Variants in REPS1 observed in about 807,000 individuals in gnomAD.
The protein encoded by REPS1 is RALBP1 associated Eps domain containing 1.
Under a neutral mutation model 100.9 loss-of-function variants are expected in REPS1, and 39 were observed. That is an observed-to-expected ratio of 0.39 (90% CI 0.30 to 0.50). REPS1 has a LOEUF of 0.50. REPS1 is among the 20% of genes least tolerant of loss of function. REPS1 has a pLI of 0.86. For synonymous variants in REPS1, 324 were observed against 340.3 expected (o/e 0.95, Z 0.53); for missense variants, 821 against 968.5 (o/e 0.85, Z 2.02).
intron 16 of REPS1, 91 bp downstream of exon 16, chr6:138,912,674 C>T: frequency 8.2e-7 from 1 of 1,212,644 alleles, no homozygotes; most frequent in Non-Finnish European, 1.2e-6. Flanking sequence ...ATTTTACTCA[C>T]TGATGTCCCC....
chr6:138,917,558 T>C lies in REPS1; in HGVS notation c.1598A>G (p.Gln533Arg), dbSNP rs759344632. 1 of 1,611,886 alleles carries C rather than the reference T, an allele frequency of 6.2e-7. No individual in the cohort carries two copies. The highest frequency in any genetic ancestry group is 8.5e-7 in the Non-Finnish European group (1 of 1,178,124). The change falls in exon 13 of 20, where the codon CAA becomes CGA. Residue 533 changes from glutamine (Q) to arginine (R), a missense_variant. Transcript: ENST00000450536. ...PEQIGSNVTR[Q>R]RSHSGTSPDN... The stretch of plus-strand genomic sequence containing the variant: ...TTTCATTGACAGAAATACTGACCTT[T>C]GACGAGTTACATTGCTCCCGATCTG...
rs911465253 is a variant in REPS1 at position 138,988,045 on chromosome 6, C to T, written c.-363G>A. 2.5e-6 allele frequency: 1 copy of T among 397,472 alleles called. No individual in the cohort carries two copies. Among genetic ancestry groups the T allele is most frequent in the East Asian group, 3.6e-5 (1 of 27,978 alleles). 24.6% of individuals were successfully genotyped at this position (397,472 alleles called of 1,614,324 possible). A position where few individuals can be genotyped will look rare whatever the true frequency, so the allele number is the denominator to read the frequency against. ...CCGCCCCCGCCGCGGGTTCGAGTCTCCCCGGCTCCCTGCCGATTCCCCCAG... is the reference window on the plus strand; with the variant it reads ...CCGCCCCCGCCGCGGGTTCGAGTCTTCCCGGCTCCCTGCCGATTCCCCCAG... On this transcript the variant is annotated 5_prime_UTR_variant, in exon 1 of 20. Transcript: ENST00000450536.
chr6:138,907,340 G>GTGTGTGTGTGTGTT, intron 19 of REPS1, 155 bp downstream of exon 19: 1 of 490,432 alleles, frequency 2.0e-6, no homozygotes. Flanking sequence ...GTGTGTGTGT[G>GTGTGTGTGTGTGTT]GCGGGGAGGG....
At chr6:138,924,076 A>G (rs567099906) in intron 10 of REPS1, among the ~76,000 whole-genome samples, 9 of 152,292 alleles carry the variant, frequency 5.9e-5, no homozygotes, top group African/African-American at 2.2e-4. Context: ...TATCAAATGA[A>G]GGTTAAGAAA....
At chr6:138,907,461 A>G in intron 19 of REPS1, 34 bp downstream of exon 19, 1 of 1,453,146 alleles carries the variant, frequency 6.9e-7, no homozygotes, top group Non-Finnish European at 9.7e-7. Flanking sequence ...TTACTAAGAT[A>G]AGGAACATTA....
rs767685056 is a variant in REPS1 at position 138,914,850 on chromosome 6, T to C, written c.1721-89A>G. The C allele has an allele frequency of 1.5e-4, 163 of 1,075,434 alleles. No individual in the cohort carries two copies. The Middle Eastern group carries it at 1.8e-3, about 12-fold the overall frequency. The allele number at this position is 1,075,434 out of a possible 1,614,324, so 66.6% of individuals were successfully genotyped here. ...AGGCTGAATGAATGTGACTACATGA[T>C]AAAGATTTCTAAGAATGTTTGTTAA... is the stretch of plus-strand genomic sequence containing the variant. On this transcript the variant is annotated intron_variant, in intron 14 of 19. Coordinates refer to ENST00000450536, the MANE Select transcript of REPS1 (RefSeq NM_001286611.2).
chr6:138,966,798 C>T (rs542511395), intron 1 of REPS1, among the ~76,000 whole-genome samples: 183 of 151,614 alleles, frequency 1.2e-3, no homozygotes, highest in Middle Eastern at 3.4e-3. Context: ...AAAAAGAAAA[C>T]GGTGAATTTT....
intron 1 of REPS1, among the ~76,000 whole-genome samples, chr6:138,981,027 A>C (rs6900336): frequency 0.4 from 60,687 of 152,016 alleles, 12,556 homozygotes; most frequent in East Asian, 0.63. Context: ...CTCTTCCTTA[A>C]AACTGAATTA....
rs139298475 is a variant in REPS1, at chr6:138,973,775, T to C, written c.153+13755A>G. Among the ~76,000 whole-genome samples, 215 of 152,112 alleles carry C rather than the reference T, an allele frequency of 1.4e-3. 1 individual carries two copies. Among genetic ancestry groups the C allele is most frequent in the African/African-American group, 4.4e-3 (184 of 41,496 alleles). On this transcript the variant is annotated intron_variant, in intron 1 of 19. Coordinates refer to ENST00000450536, the MANE Select transcript of REPS1 (RefSeq NM_001286611.2). ...ATTGAAAGTAAAATGAATTATCATA[T>C]ATAAAGGGCCACAAACAATGCTGAT...
chr6:138,939,961 G>C (rs1354211914), intron 8 of REPS1, among the ~76,000 whole-genome samples: 1 of 152,152 alleles, frequency 6.6e-6, no homozygotes, highest in Admixed American at 6.6e-5. Context: ...GTTGATAAAA[G>C]GTCAGTGTAC....
At chr6:138,972,724 T>G (rs1384156166) in intron 1 of REPS1, among the ~76,000 whole-genome samples, 3 of 149,908 alleles carry the variant, frequency 2.0e-5, no homozygotes, top group African/African-American at 7.4e-5. Flanking sequence ...AGCCTTGAAG[T>G]AACGATTGCT....
intron 12 of REPS1, among the ~76,000 whole-genome samples, chr6:138,918,147 C>T (rs923951122): frequency 9.2e-5 from 14 of 151,818 alleles, no homozygotes; most frequent in African/African-American, 3.4e-4. Context: ...AATGAGGTCT[C>T]GCTATATTGT....
rs117071125 is a variant in REPS1 at position 138,972,322 on chromosome 6, G to C, written c.153+15208C>G. 6.1e-3 allele frequency among the ~76,000 whole-genome samples: 925 copies of C among 152,278 alleles called. 4 individuals carry two copies. Among genetic ancestry groups the C allele is most frequent in the Middle Eastern group, 0.054 (16 of 294 alleles). ...TAGATAAAGAACAAGTAAAAGCTGT[G>C]TGAGAAACAGAAAAACAGATCTGCT... On this transcript the variant is annotated intron_variant, in intron 1 of 19. Transcript: ENST00000450536.
chr6:138,934,962 T>C (rs955507060), intron 8 of REPS1, among the ~76,000 whole-genome samples: 3 of 152,252 alleles, frequency 2.0e-5, no homozygotes, highest in Admixed American at 6.5e-5. Context: ...TTTTCATTCA[T>C]ATTTAAAAGA....
intron 1 of REPS1, among the ~76,000 whole-genome samples, chr6:138,948,442 CTT>C (rs1372281370): frequency 6.6e-6 from 1 of 152,148 alleles, no homozygotes; most frequent in African/African-American, 2.4e-5. Flanking sequence ...GGTTTTCCCT[CTT>C]ATTTTCCAAA....
Position 138,921,091 on chromosome 6 carries a change from T to A in REPS1, c.1372A>T (p.Met458Leu). The part of the protein sequence containing the change: ...TAIVHPVPIR[M>L]TPSKIHMQEM... ...TGCATGTGGATTTTGCTTGGAGTCA[T>A]ACGAATGGGAACTGGATGAACAATA... Residue 458 changes from methionine to leucine, a missense_variant, in exon 11 of 20, where the codon ATG becomes TTG. By Grantham distance (15) the Met-to-Leu change is conservative. Coordinates refer to ENST00000450536, the MANE Select transcript of REPS1 (RefSeq NM_001286611.2). 6.2e-7 allele frequency: 1 copy of A among 1,612,196 alleles called. No individual in the cohort carries two copies. Among genetic ancestry groups the A allele is most frequent in the Non-Finnish European group, 8.5e-7 (1 of 1,178,762 alleles).
chr6:138,970,570 T>C (rs1784288112), intron 1 of REPS1, among the ~76,000 whole-genome samples: 1 of 151,958 alleles, frequency 6.6e-6, no homozygotes, highest in Non-Finnish European at 1.5e-5. Flanking sequence ...GCTTTTAAGC[T>C]GAGGAGTCCG....
At chr6:138,967,093 C>T (rs1727602075) in intron 1 of REPS1, among the ~76,000 whole-genome samples, 1 of 152,236 alleles carries the variant, frequency 6.6e-6, no homozygotes, top group Non-Finnish European at 1.5e-5. Context: ...TTATGAAAGG[C>T]AATTGGGCCC....
intron 1 of REPS1, among the ~76,000 whole-genome samples, chr6:138,951,559 C>G (rs1430229094): frequency 6.6e-6 from 1 of 152,090 alleles, no homozygotes; most frequent in African/African-American, 2.4e-5. Context: ...CATACATAAT[C>G]TTTGCCGTGC....
Sources: gnomAD v4.1 joint callset for allele counts (sites outside exome capture counted in the v4.1 genomes callset) on GRCh38, gnomAD v4.1.1 for gene constraint, MANE v1.5 for transcripts, NCBI Gene and HGNC (gene_info 2026-07-23, HGNC 2026-07-21) for gene names.